The following KCNK5 variants were observed in gnomAD, a reference collection of about 807,000 sequenced individuals.
KCNK5 encodes potassium two pore domain channel subfamily K member 5, also known as potassium channel subfamily K member 5.
Under a neutral mutation model 32.9 loss-of-function variants are expected in KCNK5, and 18 were observed. The ratio of observed to expected loss-of-function variants is 0.55; its 90% CI spans 0.38 to 0.81. KCNK5 has a LOEUF of 0.81. KCNK5 is among the 30% of genes least tolerant of loss of function. The pLI is 0.00. For missense variants in KCNK5, 507 were observed against 651.0 expected (o/e 0.78, Z 2.41); for synonymous variants, 276 against 275.3 (o/e 1.00, Z -0.03).
intron 1 of KCNK5, among the ~76,000 whole-genome samples, chr6:39,215,279 A>G (rs141200080): frequency 2.5e-3 from 379 of 152,156 alleles, no homozygotes; most frequent in Middle Eastern, 0.024. Flanking sequence ...CACTTCGCCC[A>G]CTCAGCACTT....
intron 1 of KCNK5, among the ~76,000 whole-genome samples, chr6:39,211,591 T>C (rs1583714951): frequency 6.6e-6 from 1 of 152,170 alleles, no homozygotes; most frequent in Non-Finnish European, 1.5e-5. Flanking sequence ...ATTTGCGCAG[T>C]CCCCACTGGC....
intron 1 of KCNK5, among the ~76,000 whole-genome samples, chr6:39,208,675 G>T (rs920192050): frequency 2.0e-5 from 3 of 152,224 alleles, no homozygotes; most frequent in Non-Finnish European, 4.4e-5. Flanking sequence ...TGCAGGGGGG[G>T]AGGGGGCTTT....
In KCNK5 at chr6:39,190,845, G is replaced by C. The variant is rs906779590; in HGVS notation, c.*45C>G. On this transcript the variant is annotated 3_prime_UTR_variant, in exon 5 of 5. Coordinates refer to ENST00000359534, the MANE Select transcript of KCNK5 (RefSeq NM_003740.4). ...GTCATCTCGGGACACCCTAGGGTGA[G>C]GGGGGAAGAGGCCATCAAAGGTGGG... 5 of 1,444,600 alleles carry C rather than the reference G, an allele frequency of 3.5e-6. No homozygotes were observed. The East Asian group carries it at 7.5e-5, about 22-fold the overall frequency. 89.5% of individuals were successfully genotyped at this position (1,444,600 alleles called of 1,614,324 possible).
intron 1 of KCNK5, among the ~76,000 whole-genome samples, chr6:39,202,877 C>T (rs1251509401): frequency 2.6e-5 from 4 of 152,164 alleles, no homozygotes; most frequent in Non-Finnish European, 4.4e-5. Flanking sequence ...CTCTCGATGG[C>T]TGGCAGCAAG....
At chr6:39,200,142 G>C (rs1266752456) in intron 1 of KCNK5, among the ~76,000 whole-genome samples, 1 of 152,218 alleles carries the variant, frequency 6.6e-6, no homozygotes, top group Non-Finnish European at 1.5e-5. Context: ...TCCCGTCCTC[G>C]GGGTTAGGGA....
intron 1 of KCNK5, among the ~76,000 whole-genome samples, chr6:39,217,633 G>A (rs889944701): frequency 6.6e-6 from 1 of 152,180 alleles, no homozygotes; most frequent in African/African-American, 2.4e-5. Context: ...GAGGCTGGAG[G>A]CCAGTTAAAT....
In KCNK5 at chr6:39,194,837, C is replaced by T. The variant is rs375594090; in HGVS notation, c.299-77G>A. On this transcript the variant is annotated intron_variant, in intron 2 of 4. Transcript: ENST00000359534. This position sits in a 1 kb window ranked among gnomAD's most constrained non-coding sequence, Gnocchi z 4.7. ...GGCCTTGCTTCCAACACACACACAG[C>T]CCGTTCTCTAAGATAAATTGATATT... 6 of 1,222,314 alleles carry T rather than the reference C, an allele frequency of 4.9e-6. No homozygotes were observed. The highest frequency in any genetic ancestry group is 7.2e-6 in the Non-Finnish European group (6 of 838,306). The allele number at this position is 1,222,314 out of a possible 1,614,324, so 75.7% of individuals were successfully genotyped here.
rs780379632 is a variant in KCNK5, at chr6:39,194,552, G to T, written c.465+42C>A. 1 of 1,604,916 alleles carries T rather than the reference G, an allele frequency of 6.2e-7. No individual in the cohort carries two copies. Among genetic ancestry groups the T allele is most frequent in the South Asian group, 1.1e-5 (1 of 90,436 alleles). On this transcript the variant is annotated intron_variant, in intron 3 of 4. Transcript: ENST00000359534. This position sits in a 1 kb window ranked among gnomAD's most constrained non-coding sequence, Gnocchi z 4.7. ...CTCCTGTCCTCCCCTCACCTGTCATGGTTCCCCCATCTCTGCCCAACACCC... is the reference window on the plus strand; with the variant it reads ...CTCCTGTCCTCCCCTCACCTGTCATTGTTCCCCCATCTCTGCCCAACACCC...
Position 39,218,528 on chromosome 6 carries a change from T to C in KCNK5, c.186+10398A>G, listed in dbSNP as rs890617569. Among the ~76,000 whole-genome samples, 28 of 151,728 alleles carry C rather than the reference T, an allele frequency of 1.8e-4. 1 individual carries two copies. The highest frequency in any genetic ancestry group is 1.6e-3 in the Admixed American group (24 of 15,246). On this transcript the variant is annotated intron_variant, in intron 1 of 4. Coordinates refer to ENST00000359534, the MANE Select transcript of KCNK5 (RefSeq NM_003740.4). ...ACCAGGCCTTGGTGTCCCCATCTAGTGAATGGGATGGCATCCATTTGGCTG... is the reference window on the plus strand; with the variant it reads ...ACCAGGCCTTGGTGTCCCCATCTAGCGAATGGGATGGCATCCATTTGGCTG...
Position 39,189,113 on chromosome 6 carries a change from G to T in KCNK5, c.*1777C>A. 1 of 152,378 alleles carries T rather than the reference G, an allele frequency of 6.6e-6. No homozygotes were observed. 9.4% of individuals were successfully genotyped at this position (152,378 alleles called of 1,614,324 possible). On this transcript the variant is annotated 3_prime_UTR_variant, in exon 5 of 5. Coordinates refer to ENST00000359534, the MANE Select transcript of KCNK5 (RefSeq NM_003740.4). ...ATTAAAACATTTCACAGAAAAATAC[G>T]AGGCTGCTCCTTTTCAGGCCCCTGC...
At chr6:39,217,342 G>C (rs1418969956) in intron 1 of KCNK5, among the ~76,000 whole-genome samples, 4 of 152,016 alleles carry the variant, frequency 2.6e-5, no homozygotes, top group Non-Finnish European at 5.9e-5. Context: ...CTTAGTCTAA[G>C]GGCAAAGGAG....
intron 4 of KCNK5, among the ~76,000 whole-genome samples, chr6:39,193,838 G>A (rs917028274): frequency 1.2e-4 from 19 of 152,170 alleles, no homozygotes; most frequent in Non-Finnish European, 2.1e-4. Flanking sequence ...GGTACCAACC[G>A]TGCAGGCAGA....
At chr6:39,223,112 A>G (rs1392880759) in intron 1 of KCNK5, among the ~76,000 whole-genome samples, 1 of 152,228 alleles carries the variant, frequency 6.6e-6, no homozygotes, top group Admixed American at 6.5e-5. Context: ...TACCAATTAG[A>G]TTCCCACCAC....
chr6:39,191,205 C>T lies in KCNK5; in HGVS notation c.1185G>A (p.Leu395=), dbSNP rs545915683. Residue 395 remains leucine (L), a synonymous_variant, in exon 5 of 5, where the codon CTG becomes CTA. Transcript: ENST00000359534. This position sits in a 1 kb window ranked among gnomAD's most constrained non-coding sequence, Gnocchi z 5.8. ...SPAPEVFMNQ[L]DRISEECEPW... is the part of the protein sequence containing the mutation. ...GCTCGCATTCCTCGCTGATGCGGTCCAGCTGGTTCATGAACACCTCGGGGG... is the reference window on the plus strand; with the variant it reads ...GCTCGCATTCCTCGCTGATGCGGTCTAGCTGGTTCATGAACACCTCGGGGG... 4.0e-5 allele frequency: 64 copies of T among 1,614,094 alleles called. No individual in the cohort carries two copies. In the South Asian group the frequency reaches 6.9e-4, roughly 17 times the overall value.
intron 1 of KCNK5, among the ~76,000 whole-genome samples, chr6:39,207,638 T>A (rs1200036882): frequency 8.7e-6 from 1 of 114,388 alleles, no homozygotes; most frequent in African/African-American, 3.4e-5. Flanking sequence ...AGCAGGCAGG[T>A]GGGTGGCGGG....
At position 39,229,459 on chromosome 6, in the gene KCNK5, C is replaced by A. The variant is rs1421742950; in HGVS notation, c.-348G>T. 3 of 265,506 alleles carry A rather than the reference C, an allele frequency of 1.1e-5. No homozygotes were observed. Among genetic ancestry groups the A allele is most frequent in the Non-Finnish European group, 2.2e-5 (3 of 136,980 alleles). The allele number at this position is 265,506 out of a possible 1,614,324, so 16.4% of individuals were successfully genotyped here. A position where few individuals can be genotyped will look rare whatever the true frequency, so the allele number is the denominator to read the frequency against. ...CTTCTCCACGCGTCGCTCCTCCGCG[C>A]GCCACTAGCAGTATGCGCCGCGCCC... On this transcript the variant is annotated 5_prime_UTR_variant, in exon 1 of 5. Transcript: ENST00000359534.
At chr6:39,214,058 A>G (rs1771387932) in intron 1 of KCNK5, among the ~76,000 whole-genome samples, 1 of 151,996 alleles carries the variant, frequency 6.6e-6, no homozygotes, top group African/African-American at 2.4e-5. Flanking sequence ...AATAACCCCA[A>G]CGGTGGGTAG....
In KCNK5 at chr6:39,229,209, G is replaced by C. The variant is rs1472624138; in HGVS notation, c.-98C>G. The C allele has an allele frequency of 3.1e-6, 4 of 1,276,338 alleles. No homozygotes were observed. The Admixed American group carries it at 6.3e-5, about 20-fold the overall frequency. The allele number at this position is 1,276,338 out of a possible 1,614,324, so 79.1% of individuals were successfully genotyped here. On this transcript the variant is annotated 5_prime_UTR_variant, in exon 1 of 5. Coordinates refer to ENST00000359534, the MANE Select transcript of KCNK5 (RefSeq NM_003740.4). Reference sequence around the variant, plus strand: ...CCTCTGAAAACAGCTGTTTGAATTTGGAGCTCCGCATGCGCAGTGCCCGGT... The same window carrying C: ...CCTCTGAAAACAGCTGTTTGAATTTCGAGCTCCGCATGCGCAGTGCCCGGT...
chr6:39,207,427 A>G (rs1771248116), intron 1 of KCNK5, among the ~76,000 whole-genome samples: 1 of 152,178 alleles, frequency 6.6e-6, no homozygotes, highest in Admixed American at 6.5e-5. Context: ...TGTGCCTTCC[A>G]AGGCTGGACG....
Sources: gnomAD v4.1 joint callset for allele counts (sites outside exome capture counted in the v4.1 genomes callset) on GRCh38, gnomAD v4.1.1 for gene constraint, Gnocchi (gnomAD v3.1) non-coding constraint, MANE v1.5 for transcripts, NCBI Gene and HGNC (gene_info 2026-07-23, HGNC 2026-07-21) for gene names.